The following PHACTR3 variants were observed in gnomAD, a reference collection of about 807,000 sequenced individuals.
The protein encoded by PHACTR3 is protein phosphatase 1, regulatory subunit 123.
Under a neutral mutation model 66.8 loss-of-function variants are expected in PHACTR3, and 16 were observed. The ratio of observed to expected loss-of-function variants is 0.24; its 90% CI spans 0.16 to 0.36. The LOEUF (loss-of-function observed/expected upper bound fraction) is 0.36. Among genes scored for constraint, PHACTR3 ranks in the 10% least tolerant of loss-of-function variants. The pLI is 1.00. For missense variants in PHACTR3, 647 were observed against 719.9 expected, an observed-to-expected ratio of 0.90 and a Z score of 1.16; for synonymous variants, 323 against 292.1, an observed-to-expected ratio of 1.11 and a Z score of -1.08.
intron 6 of PHACTR3, 142 bp from the exon 7 acceptor site, chr20:59,774,101 T>A: frequency 1.0e-6 from 1 of 1,002,162 alleles, no homozygotes; most frequent in Admixed American, 3.0e-5. Context: ...ATGCTCCTTC[T>A]GGTGTGTCCA....
chr20:59,839,600 T>C (rs1420135936), intron 9 of PHACTR3, among the ~76,000 whole-genome samples: 4 of 152,164 alleles, frequency 2.6e-5, no homozygotes, highest in Non-Finnish European at 5.9e-5. Context: ...TTATCTTGTA[T>C]CCCAGGGGGA....
intron 3 of PHACTR3, among the ~76,000 whole-genome samples, chr20:59,749,328 A>G (rs986645009): frequency 8.5e-5 from 13 of 152,250 alleles, no homozygotes; most frequent in Non-Finnish European, 1.5e-5. Context: ...TGTTGAGTAA[A>G]GAGTAAGTAT....
At chr20:59,735,677 T>G (rs1601222792) in intron 1 of PHACTR3, among the ~76,000 whole-genome samples, 2 of 151,998 alleles carry the variant, frequency 1.3e-5, no homozygotes, top group Non-Finnish European at 2.9e-5. Flanking sequence ...GTCGAGCAGG[T>G]GTTTATTTGG....
At chr20:59,767,715 A>T (rs954953088) in intron 5 of PHACTR3, among the ~76,000 whole-genome samples, 4 of 152,150 alleles carry the variant, frequency 2.6e-5, no homozygotes, top group Non-Finnish European at 4.4e-5. Context: ...ATCTTCCAGG[A>T]CCTGAATGCA....
Position 59,835,212 on chromosome 20 carries a change from C to T in PHACTR3, c.1329-1293C>T, listed in dbSNP as rs531417566. On this transcript the variant is annotated intron_variant, in intron 8 of 12. Coordinates refer to ENST00000371015, the MANE Select transcript of PHACTR3 (RefSeq NM_080672.5). The stretch of plus-strand genomic sequence containing the variant: ...TGTTTTGACTAGACTGCAAAAGCAA[C>T]ACTTAAGTGAGCTAGGCTTTGCATA... Among the ~76,000 whole-genome samples the T allele has an allele frequency of 2.6e-5, 4 of 152,276 alleles. No individual in the cohort carries two copies. The East Asian group carries it at 7.7e-4, about 29-fold the overall frequency.
At chr20:59,840,225 G>A in intron 9 of PHACTR3, 144 bp from the exon 10 acceptor site, 2 of 1,317,050 alleles carry the variant, frequency 1.5e-6, no homozygotes, top group Non-Finnish European at 2.0e-6. Context: ...CTGACAAAGT[G>A]GGAAGAAAAC....
chr20:59,706,755 C>G (rs1188725607), intron 1 of PHACTR3, among the ~76,000 whole-genome samples: 1 of 152,158 alleles, frequency 6.6e-6, no homozygotes, highest in South Asian at 2.1e-4. Flanking sequence ...CCAGAACAAC[C>G]AGAGGACCTT....
rs562893818 is a variant in PHACTR3 at position 59,839,341 on chromosome 20, A to G, written c.1385-1028A>G. ...ACTCACTTAAAAAAAATTACTGGAA[A>G]GCACAATATATTAAACTCTCATATA... On this transcript the variant is annotated intron_variant, in intron 9 of 12. Coordinates refer to ENST00000371015, the MANE Select transcript of PHACTR3 (RefSeq NM_080672.5). 3.3e-5 allele frequency among the ~76,000 whole-genome samples: 5 copies of G among 152,366 alleles called. No homozygotes were observed. In the South Asian group the frequency reaches 6.2e-4, roughly 19 times the overall value.
chr20:59,712,442 G>A (rs2037943185), intron 1 of PHACTR3, among the ~76,000 whole-genome samples: 1 of 152,104 alleles, frequency 6.6e-6, no homozygotes. Flanking sequence ...GCATTTCCAG[G>A]TCTGTTAGAT....
chr20:59,621,050 C>T (rs893703689), intron 1 of PHACTR3, among the ~76,000 whole-genome samples: 2 of 152,234 alleles, frequency 1.3e-5, no homozygotes, highest in Admixed American at 6.5e-5. Context: ...TCCTTCGAGT[C>T]GGTGTCTGTG....
intron 7 of PHACTR3, among the ~76,000 whole-genome samples, chr20:59,793,099 G>A (rs2041152416): frequency 6.6e-6 from 1 of 151,954 alleles, no homozygotes; most frequent in Non-Finnish European, 1.5e-5. Context: ...ATGTTTTCCA[G>A]GGTGCTCTTG....
At chr20:59,580,460 G>T (rs942594705) in intron 1 of PHACTR3, among the ~76,000 whole-genome samples, 4 of 152,092 alleles carry the variant, frequency 2.6e-5, no homozygotes, top group African/African-American at 9.7e-5. Flanking sequence ...TATTTCTGGG[G>T]CCAGGGCTGC....
At chr20:59,630,790 C>T (rs924535664) in intron 1 of PHACTR3, among the ~76,000 whole-genome samples, 13 of 151,888 alleles carry the variant, frequency 8.6e-5, no homozygotes, top group African/African-American at 3.1e-4. Flanking sequence ...GGAGCTTGTA[C>T]TGTCGAAGTG....
At chr20:59,653,179 G>A (rs947970870) in intron 1 of PHACTR3, among the ~76,000 whole-genome samples, 4 of 151,496 alleles carry the variant, frequency 2.6e-5, no homozygotes, top group Non-Finnish European at 4.4e-5. Context: ...CTTAACCCGA[G>A]AAAGTAATTT....
chr20:59,745,518 G>A (rs931449576), intron 2 of PHACTR3, among the ~76,000 whole-genome samples: 2 of 152,266 alleles, frequency 1.3e-5, no homozygotes, highest in East Asian at 3.8e-4. Context: ...GAACAGTGCT[G>A]CATTTTGTTT....
chr20:59,679,133 G>A (rs1474950216), intron 1 of PHACTR3, among the ~76,000 whole-genome samples: 1 of 152,194 alleles, frequency 6.6e-6, no homozygotes, highest in Non-Finnish European at 1.5e-5. Flanking sequence ...TACAGATGGT[G>A]GAGCAGGAGA....
At chr20:59,580,526 G>A (rs976240410) in intron 1 of PHACTR3, among the ~76,000 whole-genome samples, 5 of 151,612 alleles carry the variant, frequency 3.3e-5, no homozygotes, top group African/African-American at 9.7e-5. Flanking sequence ...GTCTGATTTC[G>A]AAGTGCTGAC....
chr20:59,747,999 A>G (rs1174449093), intron 3 of PHACTR3, among the ~76,000 whole-genome samples, 164 bp downstream of exon 3: 1 of 152,176 alleles, frequency 6.6e-6, no homozygotes, highest in Non-Finnish European at 1.5e-5. Flanking sequence ...GTCAGGAGCC[A>G]TTCCATTGGT....
chr20:59,778,961 C>T (rs1488213662), intron 7 of PHACTR3, among the ~76,000 whole-genome samples: 1 of 152,168 alleles, frequency 6.6e-6, no homozygotes, highest in Non-Finnish European at 1.5e-5. Context: ...TGGCCCAGGC[C>T]CACCGCTGTC....
Sources: gnomAD v4.1 joint callset for allele counts (sites outside exome capture counted in the v4.1 genomes callset) on GRCh38, gnomAD v4.1.1 for gene constraint, MANE v1.5 for transcripts, NCBI Gene and HGNC (gene_info 2026-07-23, HGNC 2026-07-21) for gene names.